Variants in FBXO34 observed in about 807,000 individuals in gnomAD.
The protein encoded by FBXO34 is F-box only protein 34.
In FBXO34, 12 loss-of-function variants were observed where a neutral mutation model predicts 24.5. That is an observed-to-expected ratio of 0.49 (90% CI 0.31 to 0.79). The LOEUF (loss-of-function observed/expected upper bound fraction) is 0.79. FBXO34 is among the 30% of genes least tolerant of loss of function. The pLI, the probability that FBXO34 is intolerant of heterozygous loss-of-function variation, is 0.04. For missense variants in FBXO34, 823 were observed against 857.7 expected (o/e 0.96, Z 0.51); for synonymous variants, 320 against 311.9 (o/e 1.03, Z -0.27).
At chr14:55,369,923 G>A (rs776965556), downstream of FBXO34, 3 of 1,602,076 alleles carry the variant, frequency 1.9e-6, no homozygotes, top group East Asian at 2.2e-5. Context: ...AAAGGGCCCT[G>A]ACCTGTGTGC....
chr14:55,295,803 C>T (rs1490944209), intron 1 of FBXO34, among the ~76,000 whole-genome samples: 3 of 152,182 alleles, frequency 2.0e-5, no homozygotes, highest in Non-Finnish European at 4.4e-5. Context: ...GCCAGTCTTA[C>T]AGAGGAACTT....
chr14:55,428,117 A>ATTT, the FBXO34 span, among the ~76,000 whole-genome samples: 5 of 48,332 alleles, frequency 1.0e-4, no homozygotes, highest in East Asian at 8.5e-4. Flanking sequence ...CACATGCCTT[A>ATTT]TCTTTTTTTT....
Position 55,351,228 on chromosome 14 carries a change from C to A in FBXO34, c.838C>A (p.Leu280Ile), listed in dbSNP as rs764752006. ...ACCACAGAGCGAACCAGTCCGTGTC[C>A]TTGACATGGTAGCCAAGTTGGAGTC... is the stretch of plus-strand genomic sequence containing the variant. ...GEPQSEPVRV[L>I]DMVAKLESEC... Residue 280 changes from leucine to isoleucine, a missense_variant, in exon 2 of 2, where the codon CTT (leucine) becomes ATT (isoleucine). Around this residue, in one of 2 missense-constraint regions of FBXO34, gnomAD observed 693 missense variants for 659.1 expected, o/e 1.05. Transcript: ENST00000313833. The A allele has an allele frequency of 6.2e-7, 1 of 1,614,196 alleles. No individual in the cohort carries two copies. The highest frequency in any genetic ancestry group is 1.1e-5 in the South Asian group (1 of 91,084).
intron 1 of FBXO34, among the ~76,000 whole-genome samples, chr14:55,323,033 AGC>A (rs1883198322): frequency 6.2e-4 from 80 of 128,946 alleles, no homozygotes; most frequent in Middle Eastern, 3.5e-3. Context: ...AAAAAAAAAA[AGC>A]AAAAACGGGC....
rs746674684 is a variant in FBXO34 at position 55,351,595 on chromosome 14, G to A, written c.1205G>A (p.Arg402Lys). ...CAAACTGCCGTGAAAAACAGCAACA[G>A]ATATGATGTGGAAATGACAGATGAA... ...GSQTAVKNSN[R>K]YDVEMTDELV... The change falls in exon 2 of 2, where the codon AGA (arginine) becomes AAA (lysine). Residue 402 changes from arginine (R) to lysine (K), a missense_variant. Physicochemically the swap from Arg to Lys is conservative, Grantham distance 26 (BLOSUM62 2). Coordinates refer to ENST00000313833, the MANE Select transcript of FBXO34 (RefSeq NM_017943.4). 3.7e-6 allele frequency: 6 copies of A among 1,614,064 alleles called. No individual in the cohort carries two copies. The highest frequency in any genetic ancestry group is 1.6e-4 in the Middle Eastern group (1 of 6,084).
chr14:55,392,135 A>G, the FBXO34 span, among the ~76,000 whole-genome samples: 1 of 152,086 alleles, frequency 6.6e-6, no homozygotes, highest in Non-Finnish European at 1.5e-5. Flanking sequence ...GGAGTGCACA[A>G]CCTAGATCCC....
At chr14:55,396,972 T>C in the FBXO34 span, among the ~76,000 whole-genome samples, 1 of 152,222 alleles carries the variant, frequency 6.6e-6, no homozygotes, top group Admixed American at 6.5e-5. Flanking sequence ...TGAATTCTGA[T>C]ACAGGTAATG....
rs372775034 is a variant in FBXO34, at chr14:55,351,012, A to T, written c.622A>T (p.Ile208Leu). The change falls in exon 2 of 2, where the codon ATA (isoleucine) becomes TTA (leucine). Residue 208 changes from isoleucine (I) to leucine (L), a missense_variant. Coordinates refer to ENST00000313833, the MANE Select transcript of FBXO34 (RefSeq NM_017943.4). ...CTATGCTGGGAGGCCTCTGTCAGTT[A>T]TACAGATGGTTGCCTTCTTGGAGCA... ...GVYAGRPLSV[I>L]QMVAFLEQRA... The T allele has an allele frequency of 1.2e-6, 2 of 1,614,172 alleles. No homozygotes were observed. The highest frequency in any genetic ancestry group is 1.7e-6 in the Non-Finnish European group (2 of 1,180,024).
the FBXO34 span, among the ~76,000 whole-genome samples, chr14:55,377,125 T>C: frequency 1.3e-5 from 2 of 152,272 alleles, no homozygotes; most frequent in South Asian, 2.1e-4. Flanking sequence ...AGCGGGTGGA[T>C]CACCAGAGGT....
chr14:55,381,734 A>G, the FBXO34 span, among the ~76,000 whole-genome samples: 1 of 152,216 alleles, frequency 6.6e-6, no homozygotes, highest in Non-Finnish European at 1.5e-5. Context: ...TGTGGTTGCC[A>G]GGAGCTGAGG....
At chr14:55,386,524 G>A in the FBXO34 span, among the ~76,000 whole-genome samples, 1 of 152,190 alleles carries the variant, frequency 6.6e-6, no homozygotes, top group Non-Finnish European at 1.5e-5. Context: ...AGAGAACCCA[G>A]GGATAATCTC....
intron 1 of FBXO34, among the ~76,000 whole-genome samples, chr14:55,339,845 A>G (rs1489439750): frequency 1.3e-5 from 2 of 152,150 alleles, no homozygotes; most frequent in Non-Finnish European, 2.9e-5. Context: ...ACATACTGCT[A>G]CTTCAGTCTT....
intron 1 of FBXO34, chr14:55,272,304 A>G (rs1253160304): frequency 6.6e-6 from 1 of 152,220 alleles, no homozygotes; most frequent in Non-Finnish European, 1.5e-5. Context: ...TGCAATTTTA[A>G]TGTAATAGTT....
chr14:55,437,588 C>G, the FBXO34 span, among the ~76,000 whole-genome samples: 1 of 152,236 alleles, frequency 6.6e-6, no homozygotes, highest in African/African-American at 2.4e-5. Flanking sequence ...GGTTAGATCT[C>G]TAGTAAGTTG....
rs1355635370 is a variant in FBXO34 at position 55,335,813 on chromosome 14, T to C, written c.-10-14568T>C. On this transcript the variant is annotated intron_variant, in intron 1 of 1. Coordinates refer to ENST00000313833, the MANE Select transcript of FBXO34 (RefSeq NM_017943.4). Reference sequence around the variant, plus strand: ...AGAATTGTCCTGAAGATGAAATTTATATCCATATATACATAATGAAGCTCT... The same window carrying C: ...AGAATTGTCCTGAAGATGAAATTTACATCCATATATACATAATGAAGCTCT... 3.3e-5 allele frequency among the ~76,000 whole-genome samples: 5 copies of C among 152,358 alleles called. No individual in the cohort carries two copies. In the South Asian group the frequency reaches 1.0e-3, roughly 32 times the overall value.
intron 1 of FBXO34, among the ~76,000 whole-genome samples, chr14:55,348,872 A>G (rs1884245487): frequency 6.6e-6 from 1 of 151,868 alleles, no homozygotes; most frequent in Non-Finnish European, 1.5e-5. Flanking sequence ...GAAATCAGTT[A>G]CCACAGAGGC....
chr14:55,429,482 G>A, the FBXO34 span, among the ~76,000 whole-genome samples: 1 of 152,192 alleles, frequency 6.6e-6, no homozygotes, highest in Non-Finnish European at 1.5e-5. Context: ...AGAGAACAAT[G>A]GCTGGGCACA....
intron 1 of FBXO34, among the ~76,000 whole-genome samples, chr14:55,347,893 T>A (rs982518660): frequency 2.0e-5 from 3 of 152,240 alleles, no homozygotes; most frequent in Admixed American, 1.3e-4. Context: ...GAGATCATTA[T>A]GTGAGAATTT....
At chr14:55,407,844 C>T in the FBXO34 span, among the ~76,000 whole-genome samples, 1 of 152,042 alleles carries the variant, frequency 6.6e-6, no homozygotes, top group Non-Finnish European at 1.5e-5. Context: ...CAGGAAAGGC[C>T]TCACCGAAGA....
Sources: gnomAD v4.1 joint callset for allele counts (sites outside exome capture counted in the v4.1 genomes callset) on GRCh38, gnomAD v4.1.1 for gene constraint, gnomAD v4.1.1 regional missense constraint, MANE v1.5 for transcripts, NCBI Gene and HGNC (gene_info 2026-07-23, HGNC 2026-07-21) for gene names.